DAPK1: variants seen among roughly 807,000 people sequenced by gnomAD.
DAPK1 encodes death associated protein kinase 1.
A neutral mutation model predicts 144.9 loss-of-function variants in DAPK1; 56 were observed. That is an observed-to-expected ratio of 0.39 (90% confidence interval 0.31 to 0.48). The LOEUF (loss-of-function observed/expected upper bound fraction) is 0.48. Among genes scored for constraint, DAPK1 ranks in the 20% least tolerant of loss-of-function variants. The pLI, the probability that DAPK1 is intolerant of heterozygous loss-of-function variation, is 0.95. For missense variants in DAPK1, 1,454 were observed against 1,875.4 expected (o/e 0.78, Z 4.15); for synonymous variants, 690 against 749.0 (o/e 0.92, Z 1.29).
At chr9:87,509,518 G>A (rs1161416884) in intron 2 of DAPK1, among the ~76,000 whole-genome samples, 7 of 152,028 alleles carry the variant, frequency 4.6e-5, no homozygotes, top group Non-Finnish European at 8.8e-5. Context: ...GCACCACCAC[G>A]CCCCGCTAAT....
At chr9:87,661,269 A>G (rs1587821972) in intron 18 of DAPK1, among the ~76,000 whole-genome samples, 1 of 152,220 alleles carries the variant, frequency 6.6e-6, no homozygotes, top group East Asian at 1.9e-4. Flanking sequence ...CCTGCAGTGA[A>G]CATACAAGTG....
At chr9:87,566,920 A>G (rs189382993) in intron 2 of DAPK1, among the ~76,000 whole-genome samples, 1 of 152,298 alleles carries the variant, frequency 6.6e-6, no homozygotes, top group African/African-American at 2.4e-5. Flanking sequence ...TGCAATCACT[A>G]TGGAAAGAGC....
chr9:87,566,359 G>C (rs1827126299), intron 2 of DAPK1, among the ~76,000 whole-genome samples: 1 of 152,058 alleles, frequency 6.6e-6, no homozygotes, highest in Non-Finnish European at 1.5e-5. Flanking sequence ...CTGCATCTCA[G>C]CTATGTCATT....
At chr9:87,698,487 C>G in intron 22 of DAPK1, 169 bp from the exon 23 acceptor site, 1 of 608,644 alleles carries the variant, frequency 1.6e-6, no homozygotes, top group Non-Finnish European at 2.9e-6. Flanking sequence ...CTGGGGCCTT[C>G]TAGGGTCACA....
At chr9:87,659,671 C>G (rs541715079) in intron 18 of DAPK1, among the ~76,000 whole-genome samples, 1 of 152,116 alleles carries the variant, frequency 6.6e-6, no homozygotes, top group African/African-American at 2.4e-5. Context: ...CTGGCTCCTC[C>G]TCAGGTCCCT....
chr9:87,681,312 G>A, intron 19 of DAPK1, 92 bp from the exon 20 acceptor site: 1 of 740,092 alleles, frequency 1.4e-6, no homozygotes, highest in Non-Finnish European at 2.4e-6. Flanking sequence ...CTTCAGCATG[G>A]GTAAAAACTG....
At chr9:87,661,258 T>G (rs1467319478) in intron 18 of DAPK1, among the ~76,000 whole-genome samples, 1 of 152,250 alleles carries the variant, frequency 6.6e-6, no homozygotes, top group Non-Finnish European at 1.5e-5. Context: ...CTGTGAGTAG[T>G]CCTGCAGTGA....
In DAPK1 at chr9:87,640,377, G is replaced by A. The variant is rs1367343959; in HGVS notation, c.709G>A (p.Glu237Lys). Residue 237 changes from glutamate (E) to lysine (K), a missense_variant, in exon 8 of 26, where the codon GAG (glutamate) becomes AAG (lysine). Physicochemically the swap from Glu to Lys is moderately conservative, Grantham distance 56. Coordinates refer to ENST00000408954, the MANE Select transcript of DAPK1 (RefSeq NM_004938.4). The stretch of plus-strand genomic sequence containing the variant: ...TGTATCCGCTGTCAACTACGAATTT[G>A]AGGATGAATACTTCAGTAATACCAG... Reference protein sequence around the residue: ...ANVSAVNYEFEDEYFSNTSAL... With the variant: ...ANVSAVNYEFKDEYFSNTSAL... The A allele has an allele frequency of 6.2e-7, 1 of 1,614,234 alleles. No homozygotes were observed. The highest frequency in any genetic ancestry group is 8.5e-7 in the Non-Finnish European group (1 of 1,180,032).
chr9:87,642,283 T>G (rs1830124243), intron 10 of DAPK1, among the ~76,000 whole-genome samples: 1 of 152,248 alleles, frequency 6.6e-6, no homozygotes, highest in South Asian at 2.1e-4. Context: ...TGTGTTGTTT[T>G]CATCAAAACT....
intron 23 of DAPK1, among the ~76,000 whole-genome samples, chr9:87,699,886 C>CT (rs1269856304): frequency 1.3e-5 from 2 of 152,290 alleles, no homozygotes; most frequent in Middle Eastern, 3.4e-3. Context: ...TCATGCAAAC[C>CT]TGAAGGTCCC....
intron 2 of DAPK1, among the ~76,000 whole-genome samples, chr9:87,515,881 C>G (rs1213961590): frequency 6.6e-6 from 1 of 152,146 alleles, no homozygotes; most frequent in East Asian, 1.9e-4. Flanking sequence ...CTGCCCACTC[C>G]TAATGACCCT....
chr9:87,522,440 C>CT (rs982022031), intron 2 of DAPK1, among the ~76,000 whole-genome samples: 2 of 152,080 alleles, frequency 1.3e-5, no homozygotes, highest in Non-Finnish European at 2.9e-5. Context: ...CTGCCTTTGG[C>CT]TTTTTTGTTT....
intron 2 of DAPK1, among the ~76,000 whole-genome samples, chr9:87,600,468 C>G (rs1354911662): frequency 1.3e-5 from 2 of 152,118 alleles, no homozygotes; most frequent in African/African-American, 2.4e-5. Flanking sequence ...TGATATGCTC[C>G]TGTAGTTCCA....
At chr9:87,615,299 C>G (rs1411811591) in intron 3 of DAPK1, among the ~76,000 whole-genome samples, 1 of 152,168 alleles carries the variant, frequency 6.6e-6, no homozygotes, top group Non-Finnish European at 1.5e-5. Context: ...AAAATTACTG[C>G]AATGCAAATG....
intron 2 of DAPK1, among the ~76,000 whole-genome samples, chr9:87,507,881 T>C (rs1472081106): frequency 6.6e-6 from 1 of 152,220 alleles, no homozygotes; most frequent in African/African-American, 2.4e-5. Context: ...AGGAAATATG[T>C]GATGAATGAG....
intron 2 of DAPK1, among the ~76,000 whole-genome samples, chr9:87,523,537 C>T (rs1825379654): frequency 6.6e-6 from 1 of 152,174 alleles, no homozygotes; most frequent in Non-Finnish European, 1.5e-5. Context: ...TGGGCTCCAG[C>T]GATCTGCCTA....
intron 2 of DAPK1, among the ~76,000 whole-genome samples, chr9:87,521,240 A>G (rs918782379): frequency 5.3e-5 from 8 of 152,236 alleles, no homozygotes; most frequent in Non-Finnish European, 1.2e-4. Context: ...CAACCAGGTC[A>G]TGAAATTCCT....
chr9:87,706,623 G>A lies in DAPK1; in HGVS notation c.3552G>A (p.Leu1184=). The change falls in exon 26 of 26, where the codon CTG becomes CTA. Residue 1184 remains leucine, a synonymous_variant. Coordinates refer to ENST00000408954, the MANE Select transcript of DAPK1 (RefSeq NM_004938.4). The surrounding 1 kb of genome is among the most constrained non-coding windows in gnomAD (Gnocchi z 9.0). ...CKLANRGAEL[L]VLLVNHGQGI... is the part of the protein sequence containing the mutation. ...TGGCCAACCGTGGGGCCGAGCTGCT[G>A]GTGCTGCTGGTCAACCACGGCCAGG... 2 of 1,613,078 alleles carry A rather than the reference G, an allele frequency of 1.2e-6. No individual in the cohort carries two copies. The highest frequency in any genetic ancestry group is 1.1e-5 in the South Asian group (1 of 91,052).
chr9:87,652,244 A>G (rs868184458), intron 17 of DAPK1, among the ~76,000 whole-genome samples: 63 of 69,516 alleles, frequency 9.1e-4, no homozygotes, highest in African/African-American at 2.2e-3. Flanking sequence ...ACCTGATCCC[A>G]GGTCCTGATT....
Sources: allele counts gnomAD v4.1 joint callset (sites outside exome capture counted in the v4.1 genomes callset), GRCh38; gene constraint gnomAD v4.1.1; non-coding constraint Gnocchi (gnomAD v3.1); transcripts MANE v1.5; gene names NCBI Gene and HGNC (gene_info 2026-07-23, HGNC 2026-07-21).